Variants in DISC1 observed in about 807,000 individuals in gnomAD.
The protein encoded by DISC1 is DISC1 scaffold protein, also known as disrupted in schizophrenia 1 protein.
Under a neutral mutation model 84.5 loss-of-function variants are expected in DISC1, and 57 were observed. The observed-to-expected ratio is 0.67, with a 90% CI of 0.55 to 0.84. The LOEUF (loss-of-function observed/expected upper bound fraction) is 0.84, where lower values mean the gene tolerates loss of function less well. Among genes scored for constraint, DISC1 ranks in the 40% least tolerant of loss-of-function variants. DISC1 has a pLI of 0.00. For missense variants in DISC1, 1,000 were observed against 1,057.8 expected, an observed-to-expected ratio of 0.95 and a Z score of 0.76; for synonymous variants, 411 against 415.2, an observed-to-expected ratio of 0.99 and a Z score of 0.12.
At chr1:231,906,433 G>A (rs1409592725) in intron 9 of DISC1, among the ~76,000 whole-genome samples, 1 of 152,224 alleles carries the variant, frequency 6.6e-6, no homozygotes, top group Non-Finnish European at 1.5e-5. Context: ...TCACTCACAT[G>A]TGTGAGTTTG....
At chr1:231,638,293 TG>T (rs770589439) in intron 1 of DISC1, among the ~76,000 whole-genome samples, 10 of 152,214 alleles carry the variant, frequency 6.6e-5, no homozygotes, top group Non-Finnish European at 1.0e-4. Flanking sequence ...TTAAGTCTGT[TG>T]ATTATTTCCT....
chr1:231,806,694 CT>C (rs1235078865), intron 8 of DISC1, among the ~76,000 whole-genome samples: 1 of 152,246 alleles, frequency 6.6e-6, no homozygotes, highest in Non-Finnish European at 1.5e-5. Flanking sequence ...CCAGACCCAC[CT>C]TGCTGAACTG....
intron 9 of DISC1, among the ~76,000 whole-genome samples, chr1:231,911,534 G>A (rs958085770): frequency 7.2e-5 from 11 of 152,096 alleles, no homozygotes; most frequent in Non-Finnish European, 7.4e-5. Context: ...AGTTTCTGTC[G>A]AACGATCCAC....
chr1:231,877,265 G>GACATC (rs2085958112), intron 9 of DISC1, among the ~76,000 whole-genome samples: 1 of 152,204 alleles, frequency 6.6e-6, no homozygotes, highest in South Asian at 2.1e-4. Context: ...GATGTTCACA[G>GACATC]ACATCTTTGT....
chr1:231,856,805 C>A (rs1280364501), intron 9 of DISC1, among the ~76,000 whole-genome samples: 1 of 152,168 alleles, frequency 6.6e-6, no homozygotes, highest in African/African-American at 2.4e-5. Flanking sequence ...AGGGGAGTCC[C>A]CAGAAAGGAG....
At chr1:231,947,652 T>C (rs1381214451) in intron 9 of DISC1, among the ~76,000 whole-genome samples, 1 of 152,106 alleles carries the variant, frequency 6.6e-6, no homozygotes, top group Non-Finnish European at 1.5e-5. Context: ...AAAGAAATTA[T>C]CATCAGCATG....
intron 12 of DISC1, among the ~76,000 whole-genome samples, 159 bp downstream of exon 12, chr1:232,026,711 A>G (rs1669494081): frequency 6.6e-6 from 1 of 151,176 alleles, no homozygotes; most frequent in African/African-American, 2.4e-5. Context: ...CAGGTATGAA[A>G]TGTTTTCGCT....
At chr1:231,942,782 C>T (rs2091426164) in intron 9 of DISC1, among the ~76,000 whole-genome samples, 1 of 152,258 alleles carries the variant, frequency 6.6e-6, no homozygotes, top group Non-Finnish European at 1.5e-5. Context: ...AGCAGGGACA[C>T]TCCCAGCCGC....
intron 9 of DISC1, among the ~76,000 whole-genome samples, chr1:231,894,174 G>A (rs1217663111): frequency 1.3e-5 from 2 of 152,154 alleles, no homozygotes; most frequent in African/African-American, 4.8e-5. Context: ...AGATATAATA[G>A]TGATCAGAGA....
chr1:231,875,612 A>G (rs2085828211), intron 9 of DISC1, among the ~76,000 whole-genome samples: 1 of 152,130 alleles, frequency 6.6e-6, no homozygotes, highest in Admixed American at 6.5e-5. Context: ...ATTTCCCTCT[A>G]ACACATCTAG....
At chr1:231,929,292 C>T (rs1371504356) in intron 9 of DISC1, among the ~76,000 whole-genome samples, 2 of 152,078 alleles carry the variant, frequency 1.3e-5, no homozygotes, top group Non-Finnish European at 2.9e-5. Context: ...TGGAGGCAAC[C>T]TCAAGTAGCA....
chr1:231,695,153 T>A (rs572543023), intron 2 of DISC1, among the ~76,000 whole-genome samples: 2 of 152,292 alleles, frequency 1.3e-5, no homozygotes, highest in Admixed American at 6.5e-5. Flanking sequence ...TGGGTGATGT[T>A]TGGAAGGACT....
intron 1 of DISC1, among the ~76,000 whole-genome samples, chr1:231,639,123 G>T (rs1052963303): frequency 6.6e-6 from 1 of 152,128 alleles, no homozygotes; most frequent in Non-Finnish European, 1.5e-5. Context: ...AGAGGATTAG[G>T]TAACGGTTGG....
rs2125759809 is a variant in DISC1 at position 231,818,421 on chromosome 1, T to G, written c.1885T>G (p.Leu629Val). ...EGLEGLLSKL[L>V]VLSSRNVKKL... Reference sequence around the variant, plus strand: ...GCTGGAGGGACTCCTCAGCAAGCTGTTGGTGTTGAGTTCCAGGAATGTCAA... The same window carrying G: ...GCTGGAGGGACTCCTCAGCAAGCTGGTGGTGTTGAGTTCCAGGAATGTCAA... The change falls in exon 9 of 13, where the codon TTG (leucine) becomes GTG (valine). Residue 629 changes from leucine to valine, a missense_variant. Leu to Val is a conservative substitution (Grantham distance 32, BLOSUM62 1). Around this residue, in one of 3 missense-constraint regions of DISC1, gnomAD observed 397 missense variants for 377.5 expected, o/e 1.05. Transcript: ENST00000439617. The G allele has an allele frequency of 1.2e-6, 2 of 1,614,158 alleles. No individual in the cohort carries two copies. The highest frequency in any genetic ancestry group is 2.2e-5 in the South Asian group (2 of 91,084).
At chr1:231,786,222 T>G (rs867073909) in intron 6 of DISC1, among the ~76,000 whole-genome samples, 21 of 152,336 alleles carry the variant, frequency 1.4e-4, no homozygotes, top group South Asian at 1.0e-3. Context: ...ATAGAGCAGT[T>G]AAAGAATATG....
At chr1:231,786,555 C>T (rs2077878183) in intron 6 of DISC1, among the ~76,000 whole-genome samples, 1 of 152,010 alleles carries the variant, frequency 6.6e-6, no homozygotes, top group Admixed American at 6.6e-5. Context: ...ACTGGTGGTA[C>T]GAGGAACTGG....
rs774489082 is a variant in DISC1, at chr1:231,749,949, G to A, written c.1141G>A (p.Glu381Lys). ...DKAETLQQRL[E>K]DLEQEKISLH... ...AGCTGAGACGTTACAACAAAGATTAGAAGACCTGGAACAAGAGAAAATCAG... is the reference window on the plus strand; with the variant it reads ...AGCTGAGACGTTACAACAAAGATTAAAAGACCTGGAACAAGAGAAAATCAG... Residue 381 changes from glutamate to lysine, a missense_variant, in exon 4 of 13, where the codon GAA becomes AAA. By Grantham distance (56) the Glu-to-Lys change is moderately conservative (BLOSUM62 1). Transcript: ENST00000439617. 1.9e-6 allele frequency: 3 copies of A among 1,614,050 alleles called. No individual in the cohort carries two copies. The highest frequency in any genetic ancestry group is 3.3e-5 in the Admixed American group (2 of 60,002).
chr1:231,840,058 C>T (rs35703812), intron 9 of DISC1, among the ~76,000 whole-genome samples: 38 of 152,166 alleles, frequency 2.5e-4, no homozygotes, highest in Non-Finnish European at 4.9e-4. Flanking sequence ...AACACAGTCT[C>T]ATATAAATGT....
chr1:231,936,184 G>A (rs1246466074), intron 9 of DISC1, among the ~76,000 whole-genome samples: 1 of 152,120 alleles, frequency 6.6e-6, no homozygotes, highest in Admixed American at 6.5e-5. Flanking sequence ...GTTGGTTCAC[G>A]GCCCTGGGGT....
Sources: gnomAD v4.1 joint callset for allele counts (sites outside exome capture counted in the v4.1 genomes callset) on GRCh38, gnomAD v4.1.1 for gene constraint, gnomAD v4.1.1 regional missense constraint, MANE v1.5 for transcripts, NCBI Gene and HGNC (gene_info 2026-07-23, HGNC 2026-07-21) for gene names.